The following CACNA2D3 variants were observed in gnomAD, a reference collection of about 807,000 sequenced individuals.
CACNA2D3 encodes the protein voltage-dependent calcium channel subunit alpha-2/delta-3.
A neutral mutation model predicts 160.6 loss-of-function variants in CACNA2D3; 60 were observed. That is an observed-to-expected ratio of 0.37 (90% CI 0.30 to 0.46). The LOEUF is 0.46. Ranked by LOEUF, CACNA2D3 falls within the 20% of genes least tolerant of loss-of-function variation. The probability of loss-of-function intolerance (pLI) is 1.00; values close to 1 mark genes in which losing one functional copy is unlikely to be tolerated. For missense variants in CACNA2D3, 1,205 were observed against 1,365.0 expected (o/e 0.88, Z 1.85); for synonymous variants, 558 against 492.9 (o/e 1.13, Z -1.75).
At chr3:54,173,062 A>G (rs1700607228) in intron 2 of CACNA2D3, among the ~76,000 whole-genome samples, 1 of 152,208 alleles carries the variant, frequency 6.6e-6, no homozygotes, top group Non-Finnish European at 1.5e-5. Context: ...GGGGGCATTT[A>G]TGGCTCTTTG....
At chr3:55,030,578 A>G (rs1324844953) in intron 35 of CACNA2D3, among the ~76,000 whole-genome samples, 3 of 152,168 alleles carry the variant, frequency 2.0e-5, no homozygotes, top group Non-Finnish European at 4.4e-5. Context: ...CATTGTTGAA[A>G]TAGTGCCATA....
At chr3:54,163,137 C>T (rs1184918357) in intron 2 of CACNA2D3, among the ~76,000 whole-genome samples, 2 of 152,134 alleles carry the variant, frequency 1.3e-5, no homozygotes, top group Non-Finnish European at 2.9e-5. Context: ...ATCAAGGGGT[C>T]AGATGATGTA....
chr3:55,002,940 C>T (rs910396249), intron 31 of CACNA2D3, among the ~76,000 whole-genome samples: 1 of 152,188 alleles, frequency 6.6e-6, no homozygotes, highest in African/African-American at 2.4e-5. Context: ...ACTTTGTTCT[C>T]ATCATCTGTG....
At chr3:55,052,038 G>A (rs1232750008) in intron 35 of CACNA2D3, among the ~76,000 whole-genome samples, 1 of 152,178 alleles carries the variant, frequency 6.6e-6, no homozygotes, top group Non-Finnish European at 1.5e-5. Flanking sequence ...CGGTACCTCA[G>A]ATGGAAATGC....
intron 4 of CACNA2D3, among the ~76,000 whole-genome samples, chr3:54,463,038 T>C (rs1002845674): frequency 6.6e-6 from 1 of 151,950 alleles, no homozygotes; most frequent in Non-Finnish European, 1.5e-5. Context: ...CTTCTGAAGC[T>C]TAGTTTGGCT....
intron 27 of CACNA2D3, among the ~76,000 whole-genome samples, chr3:54,949,265 A>G (rs905574591): frequency 1.3e-5 from 2 of 152,216 alleles, no homozygotes; most frequent in South Asian, 2.1e-4. Context: ...AAGCCTACAC[A>G]TGCCACATGG....
chr3:54,783,695 C>G (rs564854405), intron 13 of CACNA2D3, among the ~76,000 whole-genome samples: 1 of 152,174 alleles, frequency 6.6e-6, no homozygotes, highest in East Asian at 1.9e-4. Context: ...TTTCCCATAG[C>G]CTTGGCAACC....
At position 54,897,850 on chromosome 3, in the gene CACNA2D3, A is replaced by G. The variant is rs977707549; in HGVS notation, c.2368+980A>G. Among the ~76,000 whole-genome samples the G allele has an allele frequency of 3.3e-5, 5 of 152,332 alleles. 1 individual carries two copies. The South Asian group carries it at 1.0e-3, about 32-fold the overall frequency. ...CAATTGGTTGAATGGGCTCATTAGG[A>G]AGACAGTCCCTCATCAATGGACATA... On this transcript the variant is annotated intron_variant, in intron 26 of 37. Coordinates refer to ENST00000474759, the MANE Select transcript of CACNA2D3 (RefSeq NM_018398.3).
intron 27 of CACNA2D3, among the ~76,000 whole-genome samples, chr3:54,939,636 A>G (rs781350035): frequency 1.3e-5 from 2 of 152,236 alleles, no homozygotes; most frequent in Non-Finnish European, 2.9e-5. Context: ...AACCTGGTCC[A>G]TCCCCCAGAA....
Position 54,443,922 on chromosome 3 carries a change from G to T in CACNA2D3, c.381+57148G>T, listed in dbSNP as rs150135149. Among the ~76,000 whole-genome samples, 412 of 152,276 alleles carry T rather than the reference G, an allele frequency of 2.7e-3. 1 individual carries two copies. The highest frequency in any genetic ancestry group is 3.9e-3 in the Non-Finnish European group (265 of 68,030). On this transcript the variant is annotated intron_variant, in intron 4 of 37. Coordinates refer to ENST00000474759, the MANE Select transcript of CACNA2D3 (RefSeq NM_018398.3). The stretch of plus-strand genomic sequence containing the variant: ...GTTGGGAAGGGCATGGGGAGGATTT[G>T]GCTTTTATTTACTCTGATTCTCTTT...
At chr3:54,318,872 C>CA (rs895198154) in intron 2 of CACNA2D3, among the ~76,000 whole-genome samples, 3 of 151,312 alleles carry the variant, frequency 2.0e-5, no homozygotes, top group South Asian at 2.1e-4. Flanking sequence ...TAAAAACAAA[C>CA]AAAAAAAAAT....
intron 11 of CACNA2D3, among the ~76,000 whole-genome samples, chr3:54,684,919 A>C (rs961419654): frequency 3.3e-5 from 5 of 152,076 alleles, no homozygotes; most frequent in Non-Finnish European, 7.4e-5. Flanking sequence ...CGTTTACATA[A>C]TGCATGCATC....
At chr3:54,412,610 C>CTTTTTTTTT (rs774491527) in intron 4 of CACNA2D3, among the ~76,000 whole-genome samples, 3 of 120,606 alleles carry the variant, frequency 2.5e-5, no homozygotes, top group South Asian at 2.8e-4. Context: ...TGGTCTTGTT[C>CTTTTTTTTT]TTTTTTTTTT....
chr3:55,023,636 A>G (rs1244835777), intron 35 of CACNA2D3, among the ~76,000 whole-genome samples: 1 of 152,070 alleles, frequency 6.6e-6, no homozygotes, highest in Non-Finnish European at 1.5e-5. Context: ...ACTATTAAAT[A>G]TTATTTCTCT....
At chr3:54,852,532 C>A (rs757082353) in intron 17 of CACNA2D3, among the ~76,000 whole-genome samples, 2 of 152,044 alleles carry the variant, frequency 1.3e-5, no homozygotes, top group African/African-American at 2.4e-5. Context: ...CACCAGCTCT[C>A]CACAGCCTGG....
chr3:54,457,936 A>T (rs566088217), intron 4 of CACNA2D3, among the ~76,000 whole-genome samples: 9 of 151,978 alleles, frequency 5.9e-5, no homozygotes, highest in African/African-American at 1.7e-4. Flanking sequence ...TATGGATATC[A>T]TTTTTCTATT....
Position 54,171,947 on chromosome 3 carries a change from A to G in CACNA2D3, c.204+48353A>G, listed in dbSNP as rs114982645. Among the ~76,000 whole-genome samples the G allele has an allele frequency of 5.3e-3, 814 of 152,286 alleles. 12 individuals are homozygous for G. Among genetic ancestry groups the G allele is most frequent in the African/African-American group, 0.019 (790 of 41,562 alleles). ...CTTCTTTCCTCAACTGGAGCCTACA[A>G]AGATCTCACTGTCTCCTTCCTTTTC... On this transcript the variant is annotated intron_variant, in intron 2 of 37. Coordinates refer to ENST00000474759, the MANE Select transcript of CACNA2D3 (RefSeq NM_018398.3).
At position 54,609,604 on chromosome 3, in the gene CACNA2D3, C is replaced by T. The variant is rs185831071; in HGVS notation, c.964-18183C>T. On this transcript the variant is annotated intron_variant, in intron 9 of 37. Coordinates refer to ENST00000474759, the MANE Select transcript of CACNA2D3 (RefSeq NM_018398.3). ...GCAGTTCTATGATGTGATCTTAACA[C>T]GTCCGCTAATAGGGAACAGAGAGGA... is the stretch of plus-strand genomic sequence containing the variant. Among the ~76,000 whole-genome samples the T allele has an allele frequency of 1.5e-3, 225 of 152,256 alleles. 2 individuals carry two copies. Among genetic ancestry groups the T allele is most frequent in the African/African-American group, 4.8e-3 (200 of 41,554 alleles).
At chr3:55,053,261 T>G (rs1467664563) in intron 35 of CACNA2D3, among the ~76,000 whole-genome samples, 3 of 152,068 alleles carry the variant, frequency 2.0e-5, no homozygotes, top group Non-Finnish European at 4.4e-5. Flanking sequence ...ACAGTATGTA[T>G]TCTTTGTTGG....
Sources: allele counts gnomAD v4.1 joint callset (sites outside exome capture counted in the v4.1 genomes callset), GRCh38; gene constraint gnomAD v4.1.1; transcripts MANE v1.5; gene names NCBI Gene and HGNC (gene_info 2026-07-23, HGNC 2026-07-21).